The following AFG2A variants were observed in gnomAD, a reference collection of about 807,000 sequenced individuals.
AFG2A encodes the protein AAA ATPase AFG2A.
chr4:123,182,959 G>A, the AFG2A span, among the ~76,000 whole-genome samples: 1 of 152,208 alleles, frequency 6.6e-6, no homozygotes, highest in Non-Finnish European at 1.5e-5. Context: ...GAAGAAAACA[G>A]AAATAACTTA....
the AFG2A span, among the ~76,000 whole-genome samples, chr4:123,266,766 C>T: frequency 4.6e-5 from 7 of 151,886 alleles, no homozygotes; most frequent in South Asian, 2.1e-4. Context: ...ATCCCTATTT[C>T]GGCATATTCT....
the AFG2A span, among the ~76,000 whole-genome samples, chr4:122,965,173 T>C: frequency 6.6e-6 from 1 of 152,208 alleles, no homozygotes; most frequent in East Asian, 1.9e-4. Flanking sequence ...CAGGTAGTAA[T>C]TCTAAAAGGG....
At chr4:123,232,181 TA>T in the AFG2A span, among the ~76,000 whole-genome samples, 1 of 151,900 alleles carries the variant, frequency 6.6e-6, no homozygotes, top group Non-Finnish European at 1.5e-5. Context: ...CATAGTGCAA[TA>T]AAATGAGGTG....
At chr4:123,163,472 C>T in the AFG2A span, among the ~76,000 whole-genome samples, 6 of 152,070 alleles carry the variant, frequency 3.9e-5, no homozygotes, top group Non-Finnish European at 8.8e-5. Context: ...CCCAACACTG[C>T]CTGTCTACTC....
the AFG2A span, among the ~76,000 whole-genome samples, chr4:123,075,411 G>A: frequency 6.6e-6 from 1 of 151,730 alleles, no homozygotes; most frequent in African/African-American, 2.4e-5. Context: ...CGATTCTCCT[G>A]CCTCAGCCTC....
chr4:122,930,874 G>A, the AFG2A span, among the ~76,000 whole-genome samples: 1 of 152,074 alleles, frequency 6.6e-6, no homozygotes, highest in Non-Finnish European at 1.5e-5. Flanking sequence ...GAGAGGACTG[G>A]ATATGTTTTA....
chr4:123,209,293 G>T, the AFG2A span, among the ~76,000 whole-genome samples: 3 of 152,106 alleles, frequency 2.0e-5, no homozygotes, highest in African/African-American at 7.2e-5. Context: ...CTGAATTGGA[G>T]GACACCTATC....
the AFG2A span, among the ~76,000 whole-genome samples, chr4:123,273,207 T>C: frequency 2.0e-5 from 3 of 152,190 alleles, no homozygotes; most frequent in East Asian, 5.8e-4. Context: ...TATTACTGAA[T>C]GCATATATAA....
At chr4:123,106,869 G>A in the AFG2A span, among the ~76,000 whole-genome samples, 2 of 152,262 alleles carry the variant, frequency 1.3e-5, no homozygotes, top group Non-Finnish European at 2.9e-5. Flanking sequence ...CGAGCGAGGC[G>A]TGGAGCGGTG....
chr4:123,066,526 A>T, the AFG2A span, among the ~76,000 whole-genome samples: 1 of 152,140 alleles, frequency 6.6e-6, no homozygotes, highest in African/African-American at 2.4e-5. Flanking sequence ...ATGCTCTTTG[A>T]ACTATACTAC....
chr4:123,263,400 C>A, the AFG2A span, among the ~76,000 whole-genome samples: 1 of 152,202 alleles, frequency 6.6e-6, no homozygotes, highest in African/African-American at 2.4e-5. Flanking sequence ...TTTTTGTCTT[C>A]TCCACCTTTA....
the AFG2A span, among the ~76,000 whole-genome samples, chr4:122,960,144 T>C: frequency 1.1e-4 from 17 of 152,352 alleles, no homozygotes; most frequent in South Asian, 1.0e-3. Context: ...AATGGGCAAG[T>C]TGTTTACAAG....
chr4:122,980,512 T>C, the AFG2A span, among the ~76,000 whole-genome samples: 1 of 152,216 alleles, frequency 6.6e-6, no homozygotes, highest in Non-Finnish European at 1.5e-5. Context: ...CCTTTTGATA[T>C]GTACCCAGTA....
chr4:122,927,805 T>C, the AFG2A span: 144 of 1,598,588 alleles, frequency 9.0e-5, no homozygotes, highest in African/African-American at 1.7e-3. Context: ...AAACTGAACA[T>C]TGCAAATCCA....
the AFG2A span, among the ~76,000 whole-genome samples, chr4:123,029,774 A>G: frequency 1.3e-5 from 2 of 152,228 alleles, no homozygotes; most frequent in South Asian, 2.1e-4. Flanking sequence ...AGCAGCTAGG[A>G]CTACAGGTGT....
At chr4:123,286,989 G>A in the AFG2A span, among the ~76,000 whole-genome samples, 1 of 152,100 alleles carries the variant, frequency 6.6e-6, no homozygotes, top group Non-Finnish European at 1.5e-5. Context: ...CAGTTTTGCA[G>A]GGCTCGGTAT....
the AFG2A span, among the ~76,000 whole-genome samples, chr4:123,158,270 G>C: frequency 6.6e-6 from 1 of 152,174 alleles, no homozygotes; most frequent in Admixed American, 6.5e-5. Flanking sequence ...GTCAAGTTGT[G>C]CTCTATTTCT....
chr4:123,013,705 A>G, the AFG2A span, among the ~76,000 whole-genome samples: 1 of 152,102 alleles, frequency 6.6e-6, no homozygotes, highest in Non-Finnish European at 1.5e-5. Flanking sequence ...ACTTTTTTCT[A>G]TATTGCCCAT....
the AFG2A span, among the ~76,000 whole-genome samples, chr4:122,984,533 C>T: frequency 6.6e-6 from 1 of 152,228 alleles, no homozygotes; most frequent in Admixed American, 6.5e-5. Context: ...TGTTCCAGTT[C>T]TCAGAGGAAT....
Sources: allele counts gnomAD v4.1 joint callset (sites outside exome capture counted in the v4.1 genomes callset), GRCh38; gene constraint gnomAD v4.1.1; transcripts MANE v1.5; gene names NCBI Gene and HGNC (gene_info 2026-07-23, HGNC 2026-07-21).